EP300: variants seen among roughly 807,000 people sequenced by gnomAD.
The protein encoded by EP300 is EP300 lysine acetyltransferase, also known as histone acetyltransferase p300.
Under a neutral mutation model 264.0 loss-of-function variants are expected in EP300, and 31 were observed. The ratio of observed to expected loss-of-function variants is 0.12; its 90% CI spans 0.09 to 0.16. EP300 has a LOEUF of 0.16. Ranked by LOEUF, EP300 falls within the 10% of genes least tolerant of loss-of-function variation. The pLI, the probability that EP300 is intolerant of heterozygous loss-of-function variation, is 1.00. For synonymous variants in EP300, 1,340 were observed against 1,045.4 expected, an observed-to-expected ratio of 1.28 and a Z score of -5.44; for missense variants, 2,766 against 3,052.9, an observed-to-expected ratio of 0.91 and a Z score of 2.21.
chr22:41,159,932 C>T (rs529615822), intron 19 of EP300: 1 of 151,104 alleles, frequency 6.6e-6, no homozygotes, highest in South Asian at 2.1e-4. Flanking sequence ...TCTCAGCCTT[C>T]CAAAGTGCTA....
At chr22:41,167,580 GTGTGTATATATATA>G (rs1465019144) in intron 23 of EP300, among the ~76,000 whole-genome samples, 83 of 30,098 alleles carry the variant, frequency 2.8e-3, no homozygotes, top group African/African-American at 8.1e-3. Context: ...GTGTGTGTGT[GTGTGTATATATATA>G]TATATATATA....
At position 41,147,805 on chromosome 22, in the gene EP300, A is replaced by G. The variant is rs1323548074; in HGVS notation, c.2132-32A>G. Reference sequence around the variant, plus strand: ...TTTTATTATTCAATTTCACAAAGGCATTCAGATCTAACATTTTGCTCATAT... The same window carrying G: ...TTTTATTATTCAATTTCACAAAGGCGTTCAGATCTAACATTTTGCTCATAT... On this transcript the variant is annotated intron_variant, in intron 11 of 30. Transcript: ENST00000263253. The G allele has an allele frequency of 2.9e-6, 4 of 1,366,030 alleles. No individual in the cohort carries two copies. The Admixed American group carries it at 6.7e-5, about 23-fold the overall frequency. 84.6% of individuals were successfully genotyped at this position (1,366,030 alleles called of 1,614,324 possible). A position where few individuals can be genotyped will look rare whatever the true frequency, so the allele number is the denominator to read the frequency against.
chr22:41,127,642 G>A lies in EP300; in HGVS notation c.1062G>A (p.Arg354=), dbSNP rs1318834062. 1 of 1,614,160 alleles carries A rather than the reference G, an allele frequency of 6.2e-7. No homozygotes were observed. The highest frequency in any genetic ancestry group is 8.5e-7 in the Non-Finnish European group (1 of 1,180,038). The change falls in exon 4 of 31, where the codon CGG becomes CGA. Residue 354 remains arginine (R), a synonymous_variant. Coordinates refer to ENST00000263253, the MANE Select transcript of EP300 (RefSeq NM_001429.4). ...LLLHAHKCQR[R]EQANGEVRQC... ...TGCATGCTCACAAGTGCCAGCGCCGGGAACAGGCCAATGGGGAAGTGAGGC... is the reference window on the plus strand; with the variant it reads ...TGCATGCTCACAAGTGCCAGCGCCGAGAACAGGCCAATGGGGAAGTGAGGC...
intron 2 of EP300, among the ~76,000 whole-genome samples, chr22:41,123,864 T>G (rs1190926361): frequency 6.6e-6 from 1 of 152,226 alleles, no homozygotes; most frequent in Non-Finnish European, 1.5e-5. Context: ...ACGTTTGACT[T>G]TAGAATAATG....
intron 4 of EP300, 109 bp from the exon 5 acceptor site, chr22:41,129,781 T>C: frequency 1.2e-6 from 1 of 811,202 alleles, no homozygotes; most frequent in Non-Finnish European, 2.1e-6. Context: ...GTTAGGAAGA[T>C]GAAATAAGTT....
intron 1 of EP300, among the ~76,000 whole-genome samples, chr22:41,093,785 A>AC (rs2058687626): frequency 6.6e-6 from 1 of 152,232 alleles, no homozygotes; most frequent in African/African-American, 2.4e-5. Context: ...GGTTGGGAGA[A>AC]CAGGGGCATG....
At chr22:41,108,562 T>C (rs1444732043) in intron 1 of EP300, among the ~76,000 whole-genome samples, 1 of 152,152 alleles carries the variant, frequency 6.6e-6, no homozygotes, top group Admixed American at 6.5e-5. Context: ...GCTAAACTTT[T>C]CACATCAGAT....
At chr22:41,108,868 A>G (rs144438092) in intron 1 of EP300, among the ~76,000 whole-genome samples, 198 of 152,306 alleles carry the variant, frequency 1.3e-3, no homozygotes, top group African/African-American at 4.4e-3. Context: ...TATTTGCCAT[A>G]GGATAGTTAA....
intron 21 of EP300, among the ~76,000 whole-genome samples, chr22:41,163,434 C>CAAAA (rs763502729): frequency 4.4e-5 from 2 of 44,982 alleles, no homozygotes; most frequent in African/African-American, 1.6e-4. Context: ...GACTCCGTCT[C>CAAAA]AAAAAAAAAA....
At chr22:41,173,245 AAT>A (rs1347899419) in intron 28 of EP300, among the ~76,000 whole-genome samples, 1 of 152,218 alleles carries the variant, frequency 6.6e-6, no homozygotes, top group East Asian at 1.9e-4. Context: ...AACATTTTAG[AAT>A]ATGAGTGGAA....
chr22:41,160,453 CAAAA>C (rs927419939), intron 19 of EP300, 185 bp from the exon 20 acceptor site: 19 of 423,372 alleles, frequency 4.5e-5, no homozygotes, highest in South Asian at 1.8e-4. Context: ...AAAAAACAAA[CAAAA>C]AAACCAAAAC....
At chr22:41,161,961 T>A (rs181332205) in intron 20 of EP300, among the ~76,000 whole-genome samples, 1 of 152,350 alleles carries the variant, frequency 6.6e-6, no homozygotes, top group Admixed American at 6.5e-5. Flanking sequence ...GTTTCCTTGA[T>A]GCAGGAAGAG....
intron 2 of EP300, among the ~76,000 whole-genome samples, chr22:41,122,620 CT>C (rs956468744): frequency 4.8e-5 from 7 of 146,808 alleles, no homozygotes; most frequent in Non-Finnish European, 7.5e-5. Flanking sequence ...TGTTCTTTAA[CT>C]TTTTTTTTTC....
At chr22:41,108,287 C>T (rs568988103) in intron 1 of EP300, among the ~76,000 whole-genome samples, 55 of 122,814 alleles carry the variant, frequency 4.5e-4, no homozygotes, top group African/African-American at 1.6e-3. Context: ...CTCATTCTGT[C>T]GCCCAGTCTG....
At chr22:41,170,291 G>T (rs1601634093) in intron 26 of EP300, 115 bp from the exon 27 acceptor site, 1 of 987,642 alleles carries the variant, frequency 1.0e-6, no homozygotes, top group Non-Finnish European at 1.5e-6. Context: ...TATACACTGT[G>T]TTATCTTGGG....
In EP300 at chr22:41,117,472, C is replaced by T; in HGVS notation, c.380C>T (p.Thr127Ile). ...AATAGCATGGTCAAAAGCCCAATGA[C>T]ACAGGCAGGCTTGACTTCTCCCAAC... ...LINSMVKSPM[T>I]QAGLTSPNMG... Residue 127 changes from threonine (T) to isoleucine (I), a missense_variant, in exon 2 of 31, where the codon ACA (threonine) becomes ATA (isoleucine). Coordinates refer to ENST00000263253, the MANE Select transcript of EP300 (RefSeq NM_001429.4). The T allele has an allele frequency of 6.2e-7, 1 of 1,613,810 alleles. No homozygotes were observed. Among genetic ancestry groups the T allele is most frequent in the East Asian group, 2.2e-5 (1 of 44,876 alleles).
At chr22:41,146,876 A>T (rs2145732686) in intron 11 of EP300, 60 bp downstream of exon 11, 2 of 1,412,970 alleles carry the variant, frequency 1.4e-6, no homozygotes, top group Non-Finnish European at 2.0e-6. Context: ...GCAAGATAAT[A>T]CTTGCTACCT....
At chr22:41,157,456 G>A (rs1425356901) in intron 18 of EP300, 48 bp downstream of exon 18, 1 of 1,435,366 alleles carries the variant, frequency 7.0e-7, no homozygotes, top group Non-Finnish European at 9.4e-7. Context: ...GGGATACCTA[G>A]AATAATATAG....
chr22:41,176,566 G>C lies in EP300; in HGVS notation c.5061+38G>C, dbSNP rs372862254. The C allele has an allele frequency of 2.5e-6, 4 of 1,612,548 alleles. No homozygotes were observed. The East Asian group carries it at 8.9e-5, about 36-fold the overall frequency. On this transcript the variant is annotated intron_variant, in intron 30 of 30. Transcript: ENST00000263253. The stretch of plus-strand genomic sequence containing the variant: ...TTGTGGGAAGGAGGAGGTGAGCTCC[G>C]CAGGGTTGTTCTGAGGGGCCATGCA...
Sources: gnomAD v4.1 joint callset for allele counts (sites outside exome capture counted in the v4.1 genomes callset) on GRCh38, gnomAD v4.1.1 for gene constraint, MANE v1.5 for transcripts, NCBI Gene and HGNC (gene_info 2026-07-23, HGNC 2026-07-21) for gene names.